Variants in DACH1 observed in about 807,000 individuals in gnomAD.
The protein encoded by DACH1 is dachshund family transcription factor 1.
DACH1 carries 12 observed loss-of-function variants against 54.2 expected under a neutral mutation model. That is an observed-to-expected ratio of 0.22 (90% CI 0.14 to 0.36). DACH1 has a LOEUF of 0.36. DACH1 is among the 10% of genes least tolerant of loss of function. DACH1 has a pLI of 1.00. For synonymous variants in DACH1, 386 were observed against 366.2 expected (o/e 1.05, Z -0.62); for missense variants, 805 against 929.8 (o/e 0.87, Z 1.75).
chr13:71,778,742 C>G (rs2138056380), intron 1 of DACH1, among the ~76,000 whole-genome samples: 2 of 152,080 alleles, frequency 1.3e-5, no homozygotes, highest in Middle Eastern at 6.8e-3. Flanking sequence ...ATATATTTAT[C>G]ATTTCTTTAA....
chr13:71,514,399 G>A (rs942221081), intron 6 of DACH1, among the ~76,000 whole-genome samples: 7 of 151,680 alleles, frequency 4.6e-5, no homozygotes, highest in African/African-American at 9.6e-5. Context: ...CTTTATTTAC[G>A]GTTAGTAAGG....
At chr13:71,658,417 G>A (rs899948570) in intron 2 of DACH1, among the ~76,000 whole-genome samples, 14 of 152,048 alleles carry the variant, frequency 9.2e-5, no homozygotes, top group Admixed American at 3.9e-4. Context: ...TGGCATAGTC[G>A]TGGGAGCCTG....
chr13:71,862,981 A>G (rs1289942193), intron 1 of DACH1, among the ~76,000 whole-genome samples: 1 of 152,068 alleles, frequency 6.6e-6, no homozygotes, highest in Non-Finnish European at 1.5e-5. Flanking sequence ...AGCTTCTCTT[A>G]TACTCTACAT....
In DACH1 at chr13:71,557,089, G is replaced by A; in HGVS notation, c.1505C>T (p.Pro502Leu). The change falls in exon 6 of 11, where the codon CCC (proline) becomes CTC (leucine). Residue 502 changes from proline to leucine, a missense_variant. This residue lies in a region of DACH1 where 472 missense variants were observed against 545.3 expected (regional missense o/e 0.87). Transcript: ENST00000613252. ...ATGACCGGCCAAATCTCCCTCTTTG[G>A]GCCCAGGAAGTACATTTGGTGATAA... ...MGLSPNVLPG[P>L]KEGDLAGHDM... is the part of the protein sequence containing the mutation. 6.2e-7 allele frequency: 1 copy of A among 1,610,428 alleles called. No homozygotes were observed. The highest frequency in any genetic ancestry group is 8.5e-7 in the Non-Finnish European group (1 of 1,178,314).
At chr13:71,827,884 C>T (rs1013051746) in intron 1 of DACH1, among the ~76,000 whole-genome samples, 2 of 151,926 alleles carry the variant, frequency 1.3e-5, no homozygotes, top group African/African-American at 4.8e-5. Flanking sequence ...TGAAAACCAG[C>T]GACTGAATTT....
chr13:71,808,388 T>C (rs146590169), intron 1 of DACH1, among the ~76,000 whole-genome samples: 178 of 152,262 alleles, frequency 1.2e-3, no homozygotes, highest in African/African-American at 4.2e-3. Flanking sequence ...AAATTAAACA[T>C]CTGTCTGCAG....
At chr13:71,756,303 A>G (rs1885153054) in intron 1 of DACH1, among the ~76,000 whole-genome samples, 1 of 151,962 alleles carries the variant, frequency 6.6e-6, no homozygotes, top group Non-Finnish European at 1.5e-5. Flanking sequence ...TTGGCCTCCC[A>G]AAGTGCTGGG....
At chr13:71,758,659 A>G (rs1885272395) in intron 1 of DACH1, among the ~76,000 whole-genome samples, 1 of 152,218 alleles carries the variant, frequency 6.6e-6, no homozygotes, top group Admixed American at 6.5e-5. Flanking sequence ...TTCCCTGAGG[A>G]TGATACATCT....
chr13:71,552,349 A>G (rs1883870643), intron 6 of DACH1, among the ~76,000 whole-genome samples: 1 of 152,100 alleles, frequency 6.6e-6, no homozygotes, highest in African/African-American at 2.4e-5. Flanking sequence ...TAAATGCTTA[A>G]GTTTTCTATA....
chr13:71,745,197 T>G (rs189523108), intron 1 of DACH1, among the ~76,000 whole-genome samples: 1 of 152,322 alleles, frequency 6.6e-6, no homozygotes, highest in Admixed American at 6.5e-5. Context: ...CACAAATCTC[T>G]TAGTTATTAA....
chr13:71,853,745 A>G (rs1350081799), intron 1 of DACH1, among the ~76,000 whole-genome samples: 1 of 152,362 alleles, frequency 6.6e-6, no homozygotes, highest in South Asian at 2.1e-4. Context: ...CAAATGAAAA[A>G]GTAGAAATTA....
chr13:71,665,223 A>G (rs548984854), intron 2 of DACH1, among the ~76,000 whole-genome samples: 1 of 151,530 alleles, frequency 6.6e-6, no homozygotes, highest in African/African-American at 2.4e-5. Context: ...AATGTAAAAG[A>G]AAAAAAAAGT....
intron 2 of DACH1, 59 bp from the exon 3 acceptor site, chr13:71,630,776 C>A: frequency 6.7e-7 from 1 of 1,482,186 alleles, no homozygotes; most frequent in South Asian, 1.4e-5. Context: ...TTTAATAGTT[C>A]CTGTACTTGC....
In DACH1 at chr13:71,637,991, A is replaced by T. The variant is rs79026003; in HGVS notation, c.965-7274T>A. 1.3e-3 allele frequency among the ~76,000 whole-genome samples: 193 copies of T among 152,292 alleles called. 2 individuals carry two copies. The East Asian group carries it at 0.03, about 24-fold the overall frequency. On this transcript the variant is annotated intron_variant, in intron 2 of 10. Coordinates refer to ENST00000613252, the MANE Select transcript of DACH1 (RefSeq NM_080759.6). ...CTTCCAAATGTTTGATATATTGTCT[A>T]CTTTTACATTGCATTCCATATAAAA...
At chr13:71,452,434 C>A (rs1167353934) in intron 10 of DACH1, among the ~76,000 whole-genome samples, 1 of 152,022 alleles carries the variant, frequency 6.6e-6, no homozygotes, top group East Asian at 1.9e-4. Context: ...AGCTTAAATT[C>A]TTTTTTCAAA....
intron 4 of DACH1, among the ~76,000 whole-genome samples, chr13:71,569,969 G>A (rs1447777467): frequency 6.6e-6 from 1 of 152,120 alleles, no homozygotes; most frequent in Non-Finnish European, 1.5e-5. Context: ...AAACCAATGT[G>A]TAGTCCATAT....
Position 71,446,915 on chromosome 13 carries a change from T to A in DACH1, c.2084-6223A>T, listed in dbSNP as rs186961839. On this transcript the variant is annotated intron_variant, in intron 10 of 10. Coordinates refer to ENST00000613252, the MANE Select transcript of DACH1 (RefSeq NM_080759.6). ...ATGGGAGGTTGATATGACAGAAAAG[T>A]CATCAAGCTAAACTTTGTGCATGGG... is the stretch of plus-strand genomic sequence containing the variant. Among the ~76,000 whole-genome samples the A allele has an allele frequency of 3.4e-4, 52 of 152,346 alleles. 1 individual carries two copies. The East Asian group carries it at 9.6e-3, about 28-fold the overall frequency.
chr13:71,731,733 C>T (rs1883758487), intron 1 of DACH1, among the ~76,000 whole-genome samples: 1 of 152,144 alleles, frequency 6.6e-6, no homozygotes, highest in Non-Finnish European at 1.5e-5. Context: ...AATGGATGCT[C>T]AATCCAACTG....
chr13:71,566,429 A>G (rs1884897412), intron 4 of DACH1, among the ~76,000 whole-genome samples: 1 of 152,140 alleles, frequency 6.6e-6, no homozygotes, highest in Non-Finnish European at 1.5e-5. Context: ...GTAATTTCCT[A>G]CACACTTATT....
Sources: allele counts gnomAD v4.1 joint callset (sites outside exome capture counted in the v4.1 genomes callset), GRCh38; gene constraint gnomAD v4.1.1; regional missense constraint gnomAD v4.1.1; transcripts MANE v1.5; gene names NCBI Gene and HGNC (gene_info 2026-07-23, HGNC 2026-07-21).